The following ZNF563 variants were observed in gnomAD, a reference collection of about 807,000 sequenced individuals.
ZNF563 encodes zinc finger protein 563.
In ZNF563, 39 loss-of-function variants were observed where a neutral mutation model predicts 48.5. The observed-to-expected ratio is 0.80, with a 90% CI of 0.62 to 1.05. The LOEUF (loss-of-function observed/expected upper bound fraction) is 1.05. Among genes scored for constraint, ZNF563 ranks in the 50% least tolerant of loss-of-function variants. The pLI is 0.00. For missense variants in ZNF563, 538 were observed against 597.0 expected, an observed-to-expected ratio of 0.90 and a Z score of 1.03; for synonymous variants, 168 against 187.9, an observed-to-expected ratio of 0.89 and a Z score of 0.87.
chr19:12,321,882 A>G (rs1213894439), intron 2 of ZNF563, among the ~76,000 whole-genome samples: 2 of 152,192 alleles, frequency 1.3e-5, no homozygotes, highest in Admixed American at 1.3e-4. Flanking sequence ...AAAGATAAGG[A>G]TAAAGACCTT....
At chr19:12,325,154 C>T (rs1968755897) in intron 1 of ZNF563, among the ~76,000 whole-genome samples, 2 of 152,042 alleles carry the variant, frequency 1.3e-5, no homozygotes, top group Non-Finnish European at 2.9e-5. Context: ...ACACAAATAG[C>T]CTGCAACTAC....
chr19:12,345,853 G>C, the ZNF563 span: 1 of 152,104 alleles, frequency 6.6e-6, no homozygotes, highest in Non-Finnish European at 1.5e-5. Context: ...CTGAGGTGGA[G>C]GTTGCAGTAA....
upstream of ZNF563, among the ~76,000 whole-genome samples, chr19:12,334,004 A>C (rs563709861): frequency 1.3e-5 from 2 of 152,222 alleles, no homozygotes; most frequent in African/African-American, 2.4e-5. Context: ...CCAGACTCAC[A>C]GTCCAGTGGA....
chr19:12,335,240 C>G (rs76189563), upstream of ZNF563, among the ~76,000 whole-genome samples: 1,875 of 152,312 alleles, frequency 0.012, 40 homozygotes, highest in African/African-American at 0.042. Context: ...TCTTGGGACT[C>G]TTAGTCCTAC....
At chr19:12,322,519 AC>A (rs1184433012) in intron 2 of ZNF563, 65 bp downstream of exon 2, 1 of 1,492,216 alleles carries the variant, frequency 6.7e-7, no homozygotes, top group Non-Finnish European at 9.0e-7. Context: ...AAATCATTGA[AC>A]AGCACTGATG....
the ZNF563 span, among the ~76,000 whole-genome samples, chr19:12,339,558 G>A: frequency 6.6e-6 from 1 of 152,164 alleles, no homozygotes; most frequent in South Asian, 2.1e-4. Context: ...GGGATTACAG[G>A]CATGAGCCAC....
In ZNF563 at chr19:12,321,306, C is replaced by T; in HGVS notation, c.157G>A (p.Glu53Lys). The stretch of plus-strand genomic sequence containing the variant: ...CTCCTAGGATTTTTGTACTGATCTT[C>T]AGTATTCTGTTCTTCCCATATCATT... ...IRMIWEEQNT[E>K]DQYKNPRRNL... Residue 53 changes from glutamate to lysine, a missense_variant, in exon 3 of 4, where the codon GAA becomes AAA. Physicochemically the swap from Glu to Lys is moderately conservative, Grantham distance 56. Coordinates refer to ENST00000293725, the MANE Select transcript of ZNF563 (RefSeq NM_145276.3). 2 of 1,576,256 alleles carry T rather than the reference C, an allele frequency of 1.3e-6. No homozygotes were observed. The highest frequency in any genetic ancestry group is 1.7e-6 in the Non-Finnish European group (2 of 1,164,960).
chr19:12,322,530 G>A, intron 2 of ZNF563, 55 bp downstream of exon 2: 1 of 1,531,658 alleles, frequency 6.5e-7, no homozygotes, highest in South Asian at 1.2e-5. Flanking sequence ...CAGCACTGAT[G>A]ACCATGAAAC....
intron 1 of ZNF563, among the ~76,000 whole-genome samples, chr19:12,325,177 A>G (rs1473505174): frequency 1.3e-5 from 2 of 152,184 alleles, no homozygotes; most frequent in East Asian, 3.9e-4. Flanking sequence ...GAGACAGCAG[A>G]CTGTAATTAA....
the ZNF563 span, chr19:12,345,848 G>GT: frequency 6.6e-6 from 1 of 152,092 alleles, no homozygotes; most frequent in Non-Finnish European, 1.5e-5. Context: ...TGAACCTGAG[G>GT]TGGAGGTTGC....
chr19:12,321,363 A>G (rs368358141), intron 2 of ZNF563, 31 bp from the exon 3 acceptor site: 21 of 1,415,392 alleles, frequency 1.5e-5, no homozygotes, highest in Non-Finnish European at 1.9e-5. Flanking sequence ...ATCACTATAC[A>G]TTATTAGAAA....
At chr19:12,339,468 C>T in the ZNF563 span, among the ~76,000 whole-genome samples, 7 of 151,506 alleles carry the variant, frequency 4.6e-5, no homozygotes, top group East Asian at 3.9e-4. Context: ...TTAGTAGAGG[C>T]GGGGTTTTAC....
At position 12,333,607 on chromosome 19, in the gene ZNF563, TTCC is replaced by T; in HGVS notation, c.-128_-126del. ...CTCAGCGACTGAGGCTACACAGACG[TTCC>T]AGGGCGTCTCTCAGCGAGCGACTGA... On this transcript the variant is annotated 5_prime_UTR_variant, in exon 1 of 4. Coordinates refer to ENST00000293725, the MANE Select transcript of ZNF563 (RefSeq NM_145276.3). The T allele has an allele frequency of 2.9e-6, 4 of 1,384,754 alleles. No individual in the cohort carries two copies. The highest frequency in any genetic ancestry group is 3.9e-6 in the Non-Finnish European group (4 of 1,013,892). The allele number at this position is 1,384,754 out of a possible 1,614,324, so 85.8% of individuals were successfully genotyped here.
the ZNF563 span, among the ~76,000 whole-genome samples, chr19:12,339,259 C>A: frequency 6.7e-6 from 1 of 149,210 alleles, no homozygotes; most frequent in African/African-American, 2.5e-5. Flanking sequence ...GTCTGACATG[C>A]ATCCAGTTGA....
chr19:12,338,661 C>A (rs572329944), upstream of ZNF563, among the ~76,000 whole-genome samples: 3 of 152,172 alleles, frequency 2.0e-5, no homozygotes, highest in African/African-American at 7.2e-5. Context: ...CGAGACCCAC[C>A]TGACCAACAT....
At chr19:12,331,444 C>A (rs1029048122) in intron 1 of ZNF563, among the ~76,000 whole-genome samples, 1 of 152,092 alleles carries the variant, frequency 6.6e-6, no homozygotes, top group African/African-American at 2.4e-5. Context: ...TTTGACCTTT[C>A]GGATAGTTTT....
Position 12,319,353 on chromosome 19 carries a change from C to T in ZNF563, c.672G>A (p.Pro224=), listed in dbSNP as rs139855867. The change falls in exon 4 of 4, where the codon CCG becomes CCA. Residue 224 remains proline (P), a synonymous_variant. Transcript: ENST00000293725. The part of the protein sequence containing the change: ...MHERTHTGEK[P]YECKQCSKAF... Reference sequence around the variant, plus strand: ...CTTTAGAACACTGCTTACATTCATACGGTTTCTCTCCAGTGTGAGTTCTTT... The same window carrying T: ...CTTTAGAACACTGCTTACATTCATATGGTTTCTCTCCAGTGTGAGTTCTTT... 2.5e-5 allele frequency: 41 copies of T among 1,613,400 alleles called. No homozygotes were observed. The highest frequency in any genetic ancestry group is 1.7e-4 in the Middle Eastern group (1 of 6,056).
chr19:12,322,047 T>A (rs77278984), intron 2 of ZNF563, among the ~76,000 whole-genome samples: 104 of 152,152 alleles, frequency 6.8e-4, no homozygotes, highest in East Asian at 6.6e-3. Context: ...AACTTTTTTT[T>A]ATTATTTTAT....
chr19:12,319,719 T>C lies in ZNF563; in HGVS notation c.306A>G (p.Pro102=). 6.2e-7 allele frequency: 1 copy of C among 1,614,188 alleles called. No individual in the cohort carries two copies. ...VNNSICPGED[P]CQSAECEEVI... ...CTTCTTCACACTCAGCGCTTTGACA[T>C]GGATCTTCTCCAGGACAAATGCTGT... The change falls in exon 4 of 4, where the codon CCA becomes CCG. Residue 102 remains proline, a synonymous_variant. Transcript: ENST00000293725.
Sources: gnomAD v4.1 joint callset for allele counts (sites outside exome capture counted in the v4.1 genomes callset) on GRCh38, gnomAD v4.1.1 for gene constraint, MANE v1.5 for transcripts, NCBI Gene and HGNC (gene_info 2026-07-23, HGNC 2026-07-21) for gene names.